The following USH2A variants were observed in gnomAD, a reference collection of about 807,000 sequenced individuals.
USH2A encodes the protein usherin, also known as Usher syndrome 2A (autosomal recessive, mild).
In USH2A, 443 loss-of-function variants were observed where a neutral mutation model predicts 538.9. The ratio of observed to expected loss-of-function variants is 0.82; its 90% CI spans 0.76 to 0.89. USH2A has a LOEUF of 0.89. Ranked by LOEUF, USH2A falls within the 40% of genes least tolerant of loss-of-function variation. The pLI, the probability that USH2A is intolerant of heterozygous loss-of-function variation, is 0.00. For missense variants in USH2A, 6,633 were observed against 6,324.8 expected (o/e 1.05, Z -1.65); for synonymous variants, 2,413 against 2,273.5 (o/e 1.06, Z -1.75).
chr1:216,365,212 A>C (rs1290592544), intron 3 of USH2A, 127 bp from the exon 4 acceptor site: 1 of 1,109,350 alleles, frequency 9.0e-7, no homozygotes, highest in Non-Finnish European at 1.3e-6. Flanking sequence ...AAGACTGAAA[A>C]CATTATTTTA....
In USH2A at chr1:215,901,492, A is replaced by G. The variant is rs925190683; in HGVS notation, c.7301-587T>C. The G allele has an allele frequency of 4.8e-4, 77 of 160,212 alleles. 1 individual carries two copies. Among genetic ancestry groups the G allele is most frequent in the Non-Finnish European group, 7.2e-4 (52 of 72,536 alleles). 9.9% of individuals were successfully genotyped at this position (160,212 alleles called of 1,614,324 possible). On this transcript the variant is annotated intron_variant, in intron 38 of 71. Coordinates refer to ENST00000307340, the MANE Select transcript of USH2A (RefSeq NM_206933.4). ...GCTCACCCATGAAAATATAAAAAGT[A>G]AACTTTTTTCCCTATGTGTTTTATA...
intron 3 of USH2A, among the ~76,000 whole-genome samples, chr1:216,415,231 A>G (rs11117570): frequency 6.6e-6 from 1 of 151,806 alleles, no homozygotes; most frequent in Non-Finnish European, 1.5e-5. Context: ...TTTATGAAGA[A>G]TTCAAAAGGC....
At chr1:215,878,158 A>T (rs1343451506) in intron 42 of USH2A, among the ~76,000 whole-genome samples, 2 of 152,184 alleles carry the variant, frequency 1.3e-5, no homozygotes, top group African/African-American at 4.8e-5. Context: ...TAGATGTGCC[A>T]AATCTTTACT....
intron 30 of USH2A, among the ~76,000 whole-genome samples, chr1:216,049,055 G>A (rs200115043): frequency 2.6e-5 from 4 of 152,044 alleles, no homozygotes; most frequent in East Asian, 1.9e-4. Context: ...TTTTTCAACC[G>A]TATTTAACTA....
At chr1:216,267,863 T>C (rs567910864) in intron 11 of USH2A, among the ~76,000 whole-genome samples, 9 of 152,296 alleles carry the variant, frequency 5.9e-5, no homozygotes, top group African/African-American at 1.7e-4. Context: ...ATACATATTT[T>C]ACATGTAGTA....
chr1:215,997,336 A>G (rs1301180743), intron 34 of USH2A, among the ~76,000 whole-genome samples: 1 of 152,148 alleles, frequency 6.6e-6, no homozygotes, highest in East Asian at 1.9e-4. Flanking sequence ...GCTGACAGAT[A>G]GCATTTGACT....
intron 22 of USH2A, 84 bp downstream of exon 22, chr1:216,096,998 TC>T: frequency 7.6e-7 from 1 of 1,319,298 alleles, no homozygotes; most frequent in East Asian, 2.5e-5. Flanking sequence ...GAATGAAGAT[TC>T]AGTGTGAAAA....
intron 15 of USH2A, among the ~76,000 whole-genome samples, chr1:216,212,471 G>T (rs946634664): frequency 1.8e-4 from 27 of 152,134 alleles, no homozygotes; most frequent in African/African-American, 6.3e-4. Flanking sequence ...CTTTGCATAT[G>T]CCAGACTCTC....
chr1:216,059,789 T>C (rs2031112252), intron 30 of USH2A, among the ~76,000 whole-genome samples: 1 of 152,198 alleles, frequency 6.6e-6, no homozygotes, highest in South Asian at 2.1e-4. Flanking sequence ...GTTGTTGTTG[T>C]TGTTTTCCAT....
chr1:216,010,482 C>T (rs1038607407), intron 32 of USH2A, among the ~76,000 whole-genome samples: 8 of 152,018 alleles, frequency 5.3e-5, no homozygotes, highest in East Asian at 1.9e-4. Flanking sequence ...TGACACTGCC[C>T]GATCGCCTTG....
chr1:215,991,318 T>C (rs147215245), intron 35 of USH2A, among the ~76,000 whole-genome samples: 331 of 152,272 alleles, frequency 2.2e-3, no homozygotes, highest in Non-Finnish European at 3.8e-3. Flanking sequence ...ATTTAGACTT[T>C]ATTCTTTGGG....
intron 9 of USH2A, among the ~76,000 whole-genome samples, chr1:216,308,681 A>G (rs1426213745): frequency 3.9e-5 from 6 of 152,162 alleles, no homozygotes; most frequent in African/African-American, 1.4e-4. Flanking sequence ...TGATGGTAGA[A>G]CTTGCCAATT....
chr1:216,331,767 T>C (rs1247960051), intron 4 of USH2A, among the ~76,000 whole-genome samples: 2 of 152,086 alleles, frequency 1.3e-5, no homozygotes, highest in Non-Finnish European at 2.9e-5. Flanking sequence ...ATGTGAAATA[T>C]TAGTTATAAA....
intron 50 of USH2A, among the ~76,000 whole-genome samples, chr1:215,795,326 T>C (rs1662095440): frequency 6.6e-6 from 1 of 152,196 alleles, no homozygotes; most frequent in South Asian, 2.1e-4. Context: ...TTCATTACCT[T>C]GACTGGAGTG....
chr1:216,044,078 GA>G (rs1350883396), intron 32 of USH2A, among the ~76,000 whole-genome samples: 2 of 151,840 alleles, frequency 1.3e-5, no homozygotes, highest in African/African-American at 2.4e-5. Flanking sequence ...ATGCAGTAAT[GA>G]AAAAAACAAA....
intron 2 of USH2A, among the ~76,000 whole-genome samples, chr1:216,421,570 C>T (rs2039676527): frequency 6.6e-6 from 1 of 152,164 alleles, no homozygotes; most frequent in Non-Finnish European, 1.5e-5. Context: ...CTTCTTTAGG[C>T]TTTGAAGGCT....
chr1:216,381,717 C>A (rs1287386165), intron 3 of USH2A, among the ~76,000 whole-genome samples: 2 of 152,138 alleles, frequency 1.3e-5, no homozygotes, highest in Non-Finnish European at 2.9e-5. Flanking sequence ...TCATAAATTT[C>A]TTTTCCTTTT....
At chr1:215,706,956 C>T (rs1659201309) in intron 61 of USH2A, among the ~76,000 whole-genome samples, 1 of 152,146 alleles carries the variant, frequency 6.6e-6, no homozygotes. Flanking sequence ...AGAAAATGTA[C>T]TTAAGCTTAG....
intron 30 of USH2A, among the ~76,000 whole-genome samples, chr1:216,065,361 A>T: frequency 6.6e-6 from 1 of 152,236 alleles, no homozygotes; most frequent in East Asian, 1.9e-4. Flanking sequence ...TAACATAAAC[A>T]ATAATCAACC....
Sources: allele counts gnomAD v4.1 joint callset (sites outside exome capture counted in the v4.1 genomes callset), GRCh38; gene constraint gnomAD v4.1.1; transcripts MANE v1.5; gene names NCBI Gene and HGNC (gene_info 2026-07-23, HGNC 2026-07-21).